Variants in CYB5B observed in about 807,000 individuals in gnomAD.
CYB5B encodes the protein cytochrome b5 type B, also known as cytochrome b5 type B (outer mitochondrial membrane).
Under a neutral mutation model 21.3 loss-of-function variants are expected in CYB5B, and 14 were observed. The ratio of observed to expected loss-of-function variants is 0.66; its 90% CI spans 0.43 to 1.03. The LOEUF is 1.03. CYB5B is among the 50% of genes least tolerant of loss of function. The pLI, the probability that CYB5B is intolerant of heterozygous loss-of-function variation, is 0.00. For synonymous variants in CYB5B, 69 were observed against 68.4 expected, an observed-to-expected ratio of 1.01 and a Z score of -0.04; for missense variants, 166 against 185.1, an observed-to-expected ratio of 0.90 and a Z score of 0.60.
rs192710753 is a variant in CYB5B, at chr16:69,445,216, T to A, written c.175-1934T>A. ...GACTTAGTTCCACAACAAAGAACAG[T>A]TTCACATATAATAACCTGAGAGTTT... On this transcript the variant is annotated intron_variant, in intron 1 of 4. Coordinates refer to ENST00000307892, the MANE Select transcript of CYB5B (RefSeq NM_030579.3). 4.6e-5 allele frequency among the ~76,000 whole-genome samples: 7 copies of A among 152,334 alleles called. No homozygotes were observed. In the East Asian group the frequency reaches 1.3e-3, roughly 29 times the overall value.
chr16:69,442,307 GT>G (rs745486522), intron 1 of CYB5B, among the ~76,000 whole-genome samples: 5 of 151,946 alleles, frequency 3.3e-5, no homozygotes, highest in Non-Finnish European at 5.9e-5. Context: ...GCTAGCTTAA[GT>G]TTTCCCCTTT....
chr16:69,452,072 G>C (rs770655036), intron 3 of CYB5B, among the ~76,000 whole-genome samples: 18 of 151,608 alleles, frequency 1.2e-4, no homozygotes, highest in Non-Finnish European at 2.1e-4. Flanking sequence ...GCATTCATAA[G>C]GATGGATGGA....
At chr16:69,433,462 C>T (rs966909665) in intron 1 of CYB5B, among the ~76,000 whole-genome samples, 3 of 152,134 alleles carry the variant, frequency 2.0e-5, no homozygotes, top group African/African-American at 7.2e-5. Context: ...TATGCACACT[C>T]ATCTGTGTCT....
intron 4 of CYB5B, among the ~76,000 whole-genome samples, chr16:69,459,730 T>C (rs11867084): frequency 0.068 from 10,393 of 152,286 alleles, 422 homozygotes; most frequent in Middle Eastern, 0.11. Flanking sequence ...TATATAGAGC[T>C]AGCCATTCTA....
intron 4 of CYB5B, 38 bp from the exon 5 acceptor site, chr16:69,462,392 A>G: frequency 6.6e-7 from 1 of 1,511,698 alleles, no homozygotes; most frequent in Non-Finnish European, 9.2e-7. Flanking sequence ...TTGGCTTAAA[A>G]TATTAACAAC....
chr16:69,462,633 C>G lies in CYB5B; in HGVS notation c.*113C>G. On this transcript the variant is annotated 3_prime_UTR_variant, in exon 5 of 5. Coordinates refer to ENST00000307892, the MANE Select transcript of CYB5B (RefSeq NM_030579.3). ...AATCCTGCCAGTTGCATTCTTCCCC[C>G]TTGGAGCCAAGACGATTGGCCAGAC... The G allele has an allele frequency of 4.7e-6, 4 of 854,432 alleles. No individual in the cohort carries two copies. The highest frequency in any genetic ancestry group is 7.7e-6 in the Non-Finnish European group (4 of 521,556). The allele number at this position is 854,432 out of a possible 1,614,324, so 52.9% of individuals were successfully genotyped here.
chr16:69,426,767 G>A lies in CYB5B; in HGVS notation c.174+1910G>A, dbSNP rs1484062243. 2.0e-5 allele frequency among the ~76,000 whole-genome samples: 3 copies of A among 150,192 alleles called. No individual in the cohort carries two copies. In the South Asian group the frequency reaches 6.3e-4, roughly 31 times the overall value. ...TAGTGATTTTTTTTTTTTAACAGAG[G>A]TACAAGTAACAGGTTCAGAAAGATC... On this transcript the variant is annotated intron_variant, in intron 1 of 4. Coordinates refer to ENST00000307892, the MANE Select transcript of CYB5B (RefSeq NM_030579.3).
chr16:69,460,956 G>T (rs1254364281), intron 4 of CYB5B, among the ~76,000 whole-genome samples: 1 of 152,138 alleles, frequency 6.6e-6, no homozygotes, highest in African/African-American at 2.4e-5. Flanking sequence ...CTCCTCAGTG[G>T]CAGTTAAGTA....
intron 1 of CYB5B, 50 bp from the exon 2 acceptor site, chr16:69,447,100 G>A: frequency 6.3e-7 from 1 of 1,589,048 alleles, no homozygotes; most frequent in Non-Finnish European, 8.6e-7. Flanking sequence ...GTAACTTGTT[G>A]GTTTGCTTTT....
At chr16:69,458,693 T>C (rs372997163) in intron 3 of CYB5B, among the ~76,000 whole-genome samples, 2 of 152,200 alleles carry the variant, frequency 1.3e-5, no homozygotes, top group East Asian at 3.8e-4. Flanking sequence ...GAAGAGCTTT[T>C]TGGACTTTAA....
chr16:69,445,526 T>C (rs992560707), intron 1 of CYB5B, among the ~76,000 whole-genome samples: 15 of 152,200 alleles, frequency 9.9e-5, no homozygotes, highest in African/African-American at 3.6e-4. Flanking sequence ...ATTTCAAAAA[T>C]ACAAATTTTG....
In CYB5B at chr16:69,446,902, G is replaced by T. The variant is rs1372131648; in HGVS notation, c.175-248G>T. 7.2e-5 allele frequency among the ~76,000 whole-genome samples: 11 copies of T among 152,234 alleles called. No individual in the cohort carries two copies. The South Asian group carries it at 2.3e-3, about 32-fold the overall frequency. On this transcript the variant is annotated intron_variant, in intron 1 of 4. Coordinates refer to ENST00000307892, the MANE Select transcript of CYB5B (RefSeq NM_030579.3). Reference sequence around the variant, plus strand: ...GGCCAGACCTGTCCAGAAAGATTTTGTAGAATATTTCTAAATTTGTGGTTG... The same window carrying T: ...GGCCAGACCTGTCCAGAAAGATTTTTTAGAATATTTCTAAATTTGTGGTTG...
At chr16:69,450,197 G>A (rs1352241890) in intron 3 of CYB5B, 3 of 125,478 alleles carry the variant, frequency 2.4e-5, no homozygotes, top group African/African-American at 9.1e-5. Flanking sequence ...TTCCATCTGG[G>A]TAACACAGCA....
intron 1 of CYB5B, among the ~76,000 whole-genome samples, chr16:69,426,215 C>G (rs367868143): frequency 6.7e-6 from 1 of 150,002 alleles, no homozygotes; most frequent in African/African-American, 2.5e-5. Context: ...CTGGCTAACA[C>G]GGCGAAACCC....
At chr16:69,458,677 A>G (rs993288111) in intron 3 of CYB5B, among the ~76,000 whole-genome samples, 2 of 152,182 alleles carry the variant, frequency 1.3e-5, no homozygotes, top group Non-Finnish European at 2.9e-5. Context: ...GTTGATCTAC[A>G]TGTTAGAAGA....
At chr16:69,432,889 C>T (rs182345621) in intron 1 of CYB5B, among the ~76,000 whole-genome samples, 11 of 152,250 alleles carry the variant, frequency 7.2e-5, no homozygotes, top group Admixed American at 7.2e-4. Context: ...TTCCACCTCC[C>T]GGGTTCAAGC....
At position 69,424,804 on chromosome 16, in the gene CYB5B, C is replaced by T; in HGVS notation, c.121C>T (p.Leu41=). The T allele has an allele frequency of 6.2e-7, 1 of 1,607,908 alleles. No individual in the cohort carries two copies. The highest frequency in any genetic ancestry group is 8.5e-7 in the Non-Finnish European group (1 of 1,176,990). Residue 41 remains leucine (L), a synonymous_variant, in exon 1 of 5, where the codon CTG becomes TTG. Transcript: ENST00000307892. The part of the protein sequence containing the change: ...EVAKRNSLKE[L]WLVIHGRVYD... ...GGCAAAGCGCAACTCCTTGAAGGAA[C>T]TGTGGCTTGTGATCCATGGGCGAGT...
At chr16:69,436,543 C>T (rs2014762155) in intron 1 of CYB5B, among the ~76,000 whole-genome samples, 1 of 152,130 alleles carries the variant, frequency 6.6e-6, no homozygotes, top group South Asian at 2.1e-4. Flanking sequence ...TCCTGTTCAC[C>T]CCCCAGGTCT....
intron 1 of CYB5B, 150 bp from the exon 2 acceptor site, chr16:69,447,000 C>T (rs934675749): frequency 1.1e-6 from 1 of 897,930 alleles, no homozygotes; most frequent in Admixed American, 2.7e-5. Flanking sequence ...ATGCTGTGTT[C>T]TTCCCATTGC....
Sources: allele counts gnomAD v4.1 joint callset (sites outside exome capture counted in the v4.1 genomes callset), GRCh38; gene constraint gnomAD v4.1.1; transcripts MANE v1.5; gene names NCBI Gene and HGNC (gene_info 2026-07-23, HGNC 2026-07-21).